Variants in SAMMSON observed in about 807,000 individuals in gnomAD.
SAMMSON encodes survival associated mitochondrial melanoma specific oncogenic non-coding RNA, also known as long intergenic non-protein coding RNA 1212.
chr3:70,398,915 A>C (rs1185516694), intron 2 of SAMMSON, among the ~76,000 whole-genome samples: 1 of 152,230 alleles, frequency 6.6e-6, no homozygotes, highest in Non-Finnish European at 1.5e-5. Flanking sequence ...TCATATATGC[A>C]AGTTAATAGA....
intron 6 of SAMMSON, among the ~76,000 whole-genome samples, chr3:70,252,054 T>C (rs1701774287): frequency 6.6e-6 from 1 of 152,182 alleles, no homozygotes; most frequent in African/African-American, 2.4e-5. Flanking sequence ...AAAAGGAGTT[T>C]CTCCTGTTAT....
chr3:70,170,403 C>G (rs1041755253), intron 4 of SAMMSON, among the ~76,000 whole-genome samples: 17 of 151,398 alleles, frequency 1.1e-4, no homozygotes, highest in African/African-American at 4.1e-4. Context: ...TGGAATCTGG[C>G]GGAATAATTT....
intron 4 of SAMMSON, among the ~76,000 whole-genome samples, chr3:70,103,927 C>T (rs1304111330): frequency 1.3e-5 from 2 of 151,586 alleles, no homozygotes; most frequent in Non-Finnish European, 2.9e-5. Flanking sequence ...TCTTGCCCTT[C>T]ATCCTGAGAC....
At chr3:70,319,139 T>G (rs1702517476) in intron 7 of SAMMSON, among the ~76,000 whole-genome samples, 2 of 152,070 alleles carry the variant, frequency 1.3e-5, no homozygotes, top group Non-Finnish European at 2.9e-5. Flanking sequence ...GTCTCTTCTC[T>G]ACATTATAGA....
At chr3:70,236,557 T>C (rs990624093) in intron 4 of SAMMSON, among the ~76,000 whole-genome samples, 3 of 152,172 alleles carry the variant, frequency 2.0e-5, no homozygotes, top group Non-Finnish European at 4.4e-5. Context: ...TTAAAGTCCA[T>C]ACTCCTTTTG....
chr3:70,086,307 A>G (rs1396171946), intron 4 of SAMMSON, among the ~76,000 whole-genome samples: 1 of 152,156 alleles, frequency 6.6e-6, no homozygotes, highest in Non-Finnish European at 1.5e-5. Flanking sequence ...CAATCTCTTT[A>G]TCTTCTGCCT....
At chr3:70,429,806 C>T (rs1048721508) in intron 2 of SAMMSON, among the ~76,000 whole-genome samples, 1 of 152,124 alleles carries the variant, frequency 6.6e-6, no homozygotes, top group Non-Finnish European at 1.5e-5. Flanking sequence ...TTTTTTTGCA[C>T]ATTGATTTTT....
chr3:70,409,993 T>G (rs1239216068), intron 2 of SAMMSON, among the ~76,000 whole-genome samples: 1 of 146,630 alleles, frequency 6.8e-6, no homozygotes, highest in Non-Finnish European at 1.5e-5. Context: ...AACTTTCCAC[T>G]TTAGTAGTCC....
At position 70,179,668 on chromosome 3, in the gene SAMMSON, C is replaced by T. The variant is rs539415533; in HGVS notation, n.508-69439C>T. On this transcript the variant is annotated intron_variant and non_coding_transcript_variant, in intron 4 of 9. Coordinates refer to ENST00000642114, the Ensembl canonical transcript of SAMMSON. ...CCCAACACTTTCCTTCTAAGCAAGT[C>T]TGTACTTGTACATGAGAGTGGCTGA... 3.9e-5 allele frequency among the ~76,000 whole-genome samples: 6 copies of T among 152,302 alleles called. No homozygotes were observed. The South Asian group carries it at 1.2e-3, about 32-fold the overall frequency.
rs1559549270 is a variant in SAMMSON at position 70,267,576 on chromosome 3, GTA to G, written n.674+17908_674+17909del. Reference sequence around the variant, plus strand: ...CGCCACCATGCCCGGCTAATTTTTTGTATTTTTTTTTTTTTTTTTTTAGTAAA... The same window carrying G: ...CGCCACCATGCCCGGCTAATTTTTTGTTTTTTTTTTTTTTTTTTTAGTAAA... On this transcript the variant is annotated intron_variant and non_coding_transcript_variant, in intron 6 of 9. Coordinates refer to ENST00000642114, the Ensembl canonical transcript of SAMMSON. Among the ~76,000 whole-genome samples, 219 of 98,624 alleles carry G rather than the reference GTA, an allele frequency of 2.2e-3. 2 individuals are homozygous for G. Among genetic ancestry groups the G allele is most frequent in the African/African-American group, 8.9e-3 (205 of 22,950 alleles). The allele number at this position is 98,624 out of a possible 152,430, so 64.7% of individuals were successfully genotyped here. A position where few individuals can be genotyped will look rare whatever the true frequency, so the allele number is the denominator to read the frequency against.
intron 4 of SAMMSON, among the ~76,000 whole-genome samples, chr3:70,143,763 AC>A (rs1344142576): frequency 2.0e-5 from 3 of 152,090 alleles, no homozygotes; most frequent in Non-Finnish European, 4.4e-5. Flanking sequence ...GGTGTGTTTC[AC>A]CATTCTTTGT....
At chr3:70,051,134 C>CAAAAAAAAAAAAAAAAAAAAAAAAA (rs71126477) in intron 3 of SAMMSON, among the ~76,000 whole-genome samples, 1 of 45,222 alleles carries the variant, frequency 2.2e-5, no homozygotes, top group Non-Finnish European at 4.0e-5. Context: ...TACTCCATCT[C>CAAAAAAAAAAAAAAAAAAAAAAAAA]AAAAAAAAAA....
chr3:70,259,454 C>T (rs896146828), intron 6 of SAMMSON, among the ~76,000 whole-genome samples: 2 of 152,002 alleles, frequency 1.3e-5, no homozygotes, highest in African/African-American at 2.4e-5. Context: ...CCAAACCTCA[C>T]ACCCAGGTCT....
At chr3:70,248,391 A>G (rs1205320927) in intron 4 of SAMMSON, among the ~76,000 whole-genome samples, 5 of 152,100 alleles carry the variant, frequency 3.3e-5, no homozygotes, top group Non-Finnish European at 7.4e-5. Flanking sequence ...AAATTGCCAA[A>G]AAGTGTTGGG....
At chr3:70,150,797 C>T (rs1205033346) in intron 4 of SAMMSON, among the ~76,000 whole-genome samples, 1 of 151,914 alleles carries the variant, frequency 6.6e-6, no homozygotes, top group African/African-American at 2.4e-5. Flanking sequence ...AAGCCATGTG[C>T]CCATTTAACA....
At chr3:70,422,372 A>G (rs931494942) in intron 2 of SAMMSON, among the ~76,000 whole-genome samples, 3 of 152,056 alleles carry the variant, frequency 2.0e-5, no homozygotes, top group Non-Finnish European at 4.4e-5. Context: ...TACATTAGGT[A>G]ATTTCTTTGC....
At chr3:70,184,062 A>G (rs1701073834) in intron 4 of SAMMSON, 1 of 152,216 alleles carries the variant, frequency 6.6e-6, no homozygotes, top group Non-Finnish European at 1.5e-5. Flanking sequence ...TGTGGTTGCA[A>G]AGATGGGGTT....
chr3:70,205,946 A>C (rs1000653236), intron 4 of SAMMSON: 6 of 151,958 alleles, frequency 3.9e-5, no homozygotes, highest in African/African-American at 1.4e-4. Flanking sequence ...ATAATTTTGA[A>C]CTTTGTTTGG....
intron 4 of SAMMSON, among the ~76,000 whole-genome samples, chr3:70,141,610 A>G (rs2067527765): frequency 6.6e-6 from 1 of 152,254 alleles, no homozygotes; most frequent in Admixed American, 6.5e-5. Flanking sequence ...AAACTTAACC[A>G]TCACAGTAAC....
Sources: gnomAD v4.1 joint callset for allele counts (sites outside exome capture counted in the v4.1 genomes callset) on GRCh38, gnomAD v4.1.1 for gene constraint, MANE v1.5 for transcripts, NCBI Gene and HGNC (gene_info 2026-07-23, HGNC 2026-07-21) for gene names.